Variants in KALRN observed in about 807,000 individuals in gnomAD.
KALRN encodes kalirin.
A neutral mutation model predicts 353.7 loss-of-function variants in KALRN; 70 were observed. That is an observed-to-expected ratio of 0.20 (90% CI 0.16 to 0.24). KALRN has a LOEUF of 0.24. Ranked by LOEUF, KALRN falls within the 10% of genes least tolerant of loss-of-function variation. The pLI, the probability that KALRN is intolerant of heterozygous loss-of-function variation, is 1.00. For missense variants in KALRN, 2,791 were observed against 3,756.7 expected (o/e 0.74, Z 6.72); for synonymous variants, 1,391 against 1,434.8 (o/e 0.97, Z 0.69).
chr3:124,368,080 CA>C (rs2085186554), intron 10 of KALRN, among the ~76,000 whole-genome samples: 1 of 53,962 alleles, frequency 1.9e-5, no homozygotes. Flanking sequence ...GGCGGCTGGC[CA>C]GGCGGGGGGC....
In KALRN at chr3:124,678,186, A is replaced by G; in HGVS notation, c.7194-4A>G. The G allele has an allele frequency of 6.2e-7, 1 of 1,613,342 alleles. No individual in the cohort carries two copies. On this transcript the variant is annotated splice_polypyrimidine_tract_variant and splice_region_variant and intron_variant, in intron 49 of 59. Coordinates refer to ENST00000682506, the MANE Select transcript of KALRN (RefSeq NM_001388419.1). Reference sequence around the variant, plus strand: ...TTTGATTGGTGCATTTTTTGGTACAACAGGAAGTCATGTTCATGGCATACT... The same window carrying G: ...TTTGATTGGTGCATTTTTTGGTACAGCAGGAAGTCATGTTCATGGCATACT...
intron 31 of KALRN, among the ~76,000 whole-genome samples, chr3:124,492,404 A>C (rs1039188973): frequency 6.6e-6 from 1 of 152,164 alleles, no homozygotes; most frequent in Non-Finnish European, 1.5e-5. Context: ...CTAGCAACCC[A>C]GGTGTTAATC....
At chr3:124,274,891 T>C (rs1016037178) in intron 5 of KALRN, among the ~76,000 whole-genome samples, 8 of 152,318 alleles carry the variant, frequency 5.3e-5, no homozygotes, top group African/African-American at 1.9e-4. Context: ...TTTTGCACGG[T>C]GAAATTCTAT....
chr3:124,584,709 G>A, intron 34 of KALRN: 1 of 1,479,216 alleles, frequency 6.8e-7, no homozygotes, highest in South Asian at 1.4e-5. Context: ...AGAGCACAGC[G>A]GGGAGGGCGG....
intron 16 of KALRN, among the ~76,000 whole-genome samples, chr3:124,431,452 C>G (rs1305459666): frequency 6.6e-6 from 1 of 152,132 alleles, no homozygotes; most frequent in Non-Finnish European, 1.5e-5. Context: ...TTTAAGTACC[C>G]TTAATTATCC....
chr3:124,147,134 A>G (rs950017557), intron 1 of KALRN, among the ~76,000 whole-genome samples: 2 of 152,160 alleles, frequency 1.3e-5, no homozygotes, highest in Non-Finnish European at 2.9e-5. Context: ...AGGTTATCAC[A>G]GCTAGTGAGT....
At chr3:124,101,955 C>G (rs970689965) in intron 1 of KALRN, among the ~76,000 whole-genome samples, 2 of 152,094 alleles carry the variant, frequency 1.3e-5, no homozygotes, top group African/African-American at 4.8e-5. Flanking sequence ...TTGTGCCAAC[C>G]TTTATGACTT....
chr3:124,396,793 C>G (rs1436720499), intron 12 of KALRN, among the ~76,000 whole-genome samples: 1 of 152,204 alleles, frequency 6.6e-6, no homozygotes, highest in Non-Finnish European at 1.5e-5. Flanking sequence ...GCCTGCTCTG[C>G]AAGATTAAAT....
chr3:124,366,734 G>A (rs967748961), intron 10 of KALRN, among the ~76,000 whole-genome samples: 2 of 152,252 alleles, frequency 1.3e-5, no homozygotes, highest in Non-Finnish European at 1.5e-5. Context: ...CCTCCCAGAC[G>A]GGGTGGTGGC....
chr3:124,315,992 C>T (rs1431463581), intron 6 of KALRN, among the ~76,000 whole-genome samples: 1 of 152,084 alleles, frequency 6.6e-6, no homozygotes, highest in African/African-American at 2.4e-5. Flanking sequence ...ACAGGTGAGA[C>T]GTTTGCAAGT....
chr3:124,642,806 G>GTTTTTTTGTTGTTGTTGTTCTTTTTT (rs1553707032), intron 37 of KALRN, among the ~76,000 whole-genome samples: 1 of 96,840 alleles, frequency 1.0e-5, no homozygotes, highest in Non-Finnish European at 1.9e-5. Context: ...CCCAAGCCTC[G>GTTTTTTTGTTGTTGTTGTTCTTTTTT]TTTTTTTTTT....
At position 124,259,830 on chromosome 3, in the gene KALRN, C is replaced by T. The variant is rs59800986; in HGVS notation, c.264-4668C>T. ...ATAAAGAGAAGGGGTATAAAGAGTG[C>T]CGGGTGACAGTTACAGGTTTAAATA... On this transcript the variant is annotated intron_variant, in intron 3 of 59. Transcript: ENST00000682506. Among the ~76,000 whole-genome samples the T allele has an allele frequency of 6.7e-3, 1,013 of 152,228 alleles. 5 individuals carry two copies. The highest frequency in any genetic ancestry group is 0.021 in the African/African-American group (884 of 41,536).
chr3:124,374,984 A>G (rs906043013), intron 10 of KALRN, among the ~76,000 whole-genome samples: 10 of 152,200 alleles, frequency 6.6e-5, no homozygotes, highest in South Asian at 2.1e-4. Context: ...TGGGCAGTCT[A>G]TGTATCCACA....
chr3:124,605,078 A>G (rs1184166534), intron 34 of KALRN, among the ~76,000 whole-genome samples: 4 of 151,856 alleles, frequency 2.6e-5, no homozygotes, highest in African/African-American at 4.8e-5. Flanking sequence ...TGGGAAGATC[A>G]CTTGAGCCCA....
intron 1 of KALRN, among the ~76,000 whole-genome samples, chr3:124,197,556 A>T (rs1034676144): frequency 6.6e-6 from 1 of 152,174 alleles, no homozygotes; most frequent in Admixed American, 6.5e-5. Flanking sequence ...TGTGGGCAAG[A>T]ACTTTCCCAC....
intron 28 of KALRN, among the ~76,000 whole-genome samples, chr3:124,484,760 G>A (rs2062369318): frequency 6.6e-6 from 1 of 152,198 alleles, no homozygotes; most frequent in African/African-American, 2.4e-5. Context: ...CAGATTTTGT[G>A]TGTAATTATC....
intron 34 of KALRN, among the ~76,000 whole-genome samples, chr3:124,587,860 A>G (rs1186936804): frequency 6.6e-6 from 1 of 151,050 alleles, no homozygotes; most frequent in East Asian, 1.9e-4. Context: ...ACCCCAGGCT[A>G]ATATTTTTAT....
chr3:124,114,518 C>T (rs774704928), intron 1 of KALRN, among the ~76,000 whole-genome samples: 6 of 152,120 alleles, frequency 3.9e-5, no homozygotes, highest in African/African-American at 1.2e-4. Context: ...GTGAAGACTT[C>T]GGGAACTCAG....
At chr3:124,121,798 G>T (rs1331493622) in intron 1 of KALRN, among the ~76,000 whole-genome samples, 1 of 152,188 alleles carries the variant, frequency 6.6e-6, no homozygotes, top group Non-Finnish European at 1.5e-5. Context: ...CTGCTTATAG[G>T]TGTCAGCTGT....
Sources: gnomAD v4.1 joint callset for allele counts (sites outside exome capture counted in the v4.1 genomes callset) on GRCh38, gnomAD v4.1.1 for gene constraint, MANE v1.5 for transcripts, NCBI Gene and HGNC (gene_info 2026-07-23, HGNC 2026-07-21) for gene names.